Variants in PIK3R1 observed in about 807,000 individuals in gnomAD.
PIK3R1 encodes the protein phosphatidylinositol 3-kinase regulatory subunit alpha.
In PIK3R1, 29 loss-of-function variants were observed where a neutral mutation model predicts 98.0. The ratio of observed to expected loss-of-function variants is 0.30; its 90% CI spans 0.22 to 0.40. The LOEUF (loss-of-function observed/expected upper bound fraction) is 0.40. PIK3R1 is among the 10% of genes least tolerant of loss of function. PIK3R1 has a pLI of 1.00. For missense variants in PIK3R1, 596 were observed against 872.7 expected, an observed-to-expected ratio of 0.68 and a Z score of 3.99; for synonymous variants, 282 against 311.8, an observed-to-expected ratio of 0.90 and a Z score of 1.01.
At chr5:68,286,632 T>A (rs1747088429) in intron 7 of PIK3R1, among the ~76,000 whole-genome samples, 1 of 152,246 alleles carries the variant, frequency 6.6e-6, no homozygotes, top group South Asian at 2.1e-4. Context: ...GGTAGATGAT[T>A]GTACATATTG....
chr5:68,230,379 T>G (rs569446017), intron 2 of PIK3R1, among the ~76,000 whole-genome samples: 19 of 152,368 alleles, frequency 1.2e-4, no homozygotes, highest in African/African-American at 4.6e-4. Context: ...TGTGGTAGTT[T>G]CCCAACATGC....
At chr5:68,243,116 G>T (rs368692356) in intron 2 of PIK3R1, among the ~76,000 whole-genome samples, 1 of 151,138 alleles carries the variant, frequency 6.6e-6, no homozygotes, top group South Asian at 2.1e-4. Flanking sequence ...GTCCACTGTC[G>T]CAATTTTTAC....
chr5:68,273,717 T>G lies in PIK3R1; in HGVS notation c.428-222T>G. The G allele has an allele frequency of 6.8e-6, 4 of 592,258 alleles. No homozygotes were observed. The South Asian group carries it at 8.7e-5, about 13-fold the overall frequency. 36.7% of individuals were successfully genotyped at this position (592,258 alleles called of 1,614,324 possible). A position where few individuals can be genotyped will look rare whatever the true frequency, so the allele number is the denominator to read the frequency against. On this transcript the variant is annotated intron_variant, in intron 3 of 15. Transcript: ENST00000521381. Reference sequence around the variant, plus strand: ...ATGGAAACTATTAAATTCTTCATAATTTAATAAATATGATTAACTTTCTTC... The same window carrying G: ...ATGGAAACTATTAAATTCTTCATAAGTTAATAAATATGATTAACTTTCTTC...
At chr5:68,239,705 T>C (rs1744800437) in intron 2 of PIK3R1, among the ~76,000 whole-genome samples, 1 of 152,206 alleles carries the variant, frequency 6.6e-6, no homozygotes, top group African/African-American at 2.4e-5. Flanking sequence ...ATGTTCACAC[T>C]GCTTGATGCT....
chr5:68,216,746 C>A (rs1344709983), intron 1 of PIK3R1, among the ~76,000 whole-genome samples: 1 of 152,248 alleles, frequency 6.6e-6, no homozygotes. Context: ...GCTAAAATAT[C>A]GTGGGCAATT....
At chr5:68,250,440 T>G (rs1165611582) in intron 2 of PIK3R1, among the ~76,000 whole-genome samples, 1 of 152,212 alleles carries the variant, frequency 6.6e-6, no homozygotes, top group Non-Finnish European at 1.5e-5. Flanking sequence ...GTGGGGGGAT[T>G]AGATTATTTC....
chr5:68,242,103 C>T (rs550115790), intron 2 of PIK3R1, among the ~76,000 whole-genome samples: 28 of 152,336 alleles, frequency 1.8e-4, no homozygotes, highest in African/African-American at 6.5e-4. Context: ...GCAATGCCCT[C>T]ATTCCATTTA....
intron 2 of PIK3R1, among the ~76,000 whole-genome samples, chr5:68,237,502 T>G (rs1204764959): frequency 6.6e-6 from 1 of 151,946 alleles, no homozygotes; most frequent in Non-Finnish European, 1.5e-5. Context: ...AGTGTGACAT[T>G]GCCCAGAGAT....
chr5:68,251,827 C>G (rs1436365282), intron 2 of PIK3R1, among the ~76,000 whole-genome samples: 1 of 152,176 alleles, frequency 6.6e-6, no homozygotes, highest in African/African-American at 2.4e-5. Context: ...GGAGCAAACT[C>G]TGTCTCATCT....
chr5:68,283,587 C>T (rs1746946086), intron 7 of PIK3R1, among the ~76,000 whole-genome samples: 1 of 152,168 alleles, frequency 6.6e-6, no homozygotes, highest in African/African-American at 2.4e-5. Flanking sequence ...AAATAAATTA[C>T]ACAGTACAAA....
intron 2 of PIK3R1, among the ~76,000 whole-genome samples, chr5:68,250,759 G>A (rs1274843525): frequency 1.3e-5 from 2 of 152,138 alleles, no homozygotes; most frequent in Non-Finnish European, 2.9e-5. Context: ...TTAGCATTCA[G>A]CCCTGCGAGG....
chr5:68,239,945 C>G, intron 2 of PIK3R1: 1 of 495,840 alleles, frequency 2.0e-6, no homozygotes. Context: ...GAGGTGATTA[C>G]TTTTAAAGGG....
At chr5:68,292,415 G>A (rs1747446476) in intron 8 of PIK3R1, 54 bp downstream of exon 8, 12 of 1,493,850 alleles carry the variant, frequency 8.0e-6, no homozygotes, top group African/African-American at 1.4e-5. Flanking sequence ...AGAAAGAAAA[G>A]CACCAGCTTG....
chr5:68,245,048 T>C (rs961016815), intron 2 of PIK3R1, among the ~76,000 whole-genome samples: 8 of 152,198 alleles, frequency 5.3e-5, no homozygotes, highest in African/African-American at 1.7e-4. Flanking sequence ...TTGGGTTGAT[T>C]CTCTGAGACT....
At chr5:68,228,504 A>G (rs1025736765) in intron 2 of PIK3R1, among the ~76,000 whole-genome samples, 1 of 152,232 alleles carries the variant, frequency 6.6e-6, no homozygotes, top group African/African-American at 2.4e-5. Flanking sequence ...CAATCAAAAA[A>G]CCATGACTCT....
At chr5:68,252,125 C>T (rs1745335408) in intron 2 of PIK3R1, among the ~76,000 whole-genome samples, 1 of 152,128 alleles carries the variant, frequency 6.6e-6, no homozygotes, top group Non-Finnish European at 1.5e-5. Flanking sequence ...AAGGTTGGCC[C>T]CTTGCATCCT....
chr5:68,238,363 T>C (rs1243588956), intron 2 of PIK3R1, among the ~76,000 whole-genome samples: 2 of 152,056 alleles, frequency 1.3e-5, no homozygotes, highest in African/African-American at 2.4e-5. Context: ...TGTCCATCTA[T>C]AAAAGAAAAA....
chr5:68,248,052 C>T (rs930071359), intron 2 of PIK3R1, among the ~76,000 whole-genome samples: 8 of 149,910 alleles, frequency 5.3e-5, no homozygotes, highest in Non-Finnish European at 1.2e-4. Context: ...AGTGCAGTGG[C>T]GGGATCTCAA....
At position 68,223,013 on chromosome 5, in the gene PIK3R1, T is replaced by C. The variant is rs561002772; in HGVS notation, c.-386-3277T>C. On this transcript the variant is annotated intron_variant, in intron 1 of 15. Transcript: ENST00000521381. ...ATAGTTATCTACACACACACACACA[T>C]ACATATATGACTATATATATGACTA... Among the ~76,000 whole-genome samples, 168 of 152,092 alleles carry C rather than the reference T, an allele frequency of 1.1e-3. 1 individual carries two copies. Among genetic ancestry groups the C allele is most frequent in the South Asian group, 9.5e-3 (46 of 4,818 alleles).
Sources: gnomAD v4.1 joint callset for allele counts (sites outside exome capture counted in the v4.1 genomes callset) on GRCh38, gnomAD v4.1.1 for gene constraint, MANE v1.5 for transcripts, NCBI Gene and HGNC (gene_info 2026-07-23, HGNC 2026-07-21) for gene names.